Variants in SV2B observed in about 807,000 individuals in gnomAD.
SV2B encodes solute carrier family 22 member B2.
In SV2B, 41 loss-of-function variants were observed where a neutral mutation model predicts 73.9. The ratio of observed to expected loss-of-function variants is 0.56; its 90% CI spans 0.43 to 0.72. SV2B has a LOEUF of 0.72. Among genes scored for constraint, SV2B ranks in the 30% least tolerant of loss-of-function variants. The pLI is 0.00. For synonymous variants in SV2B, 314 were observed against 314.2 expected (o/e 1.00, Z 0.01); for missense variants, 764 against 857.8 (o/e 0.89, Z 1.37).
chr15:91,125,781 C>CAAAAAAAAAAGAAAAAA (rs2042461192), intron 1 of SV2B, among the ~76,000 whole-genome samples: 1 of 57,118 alleles, frequency 1.8e-5, no homozygotes, highest in Non-Finnish European at 3.5e-5. Context: ...TCTCAAGGGG[C>CAAAAAAAAAAGAAAAAA]AAAAAAAAAA....
chr15:91,131,850 C>T (rs140785242), intron 1 of SV2B, among the ~76,000 whole-genome samples: 11 of 152,242 alleles, frequency 7.2e-5, no homozygotes, highest in African/African-American at 2.6e-4. Flanking sequence ...GTAATCCCAG[C>T]TACTCAGGAG....
At chr15:91,285,828 A>G (rs2048842396) in intron 11 of SV2B, among the ~76,000 whole-genome samples, 1 of 152,044 alleles carries the variant, frequency 6.6e-6, no homozygotes, top group Non-Finnish European at 1.5e-5. Flanking sequence ...TGTCGACGAG[A>G]ACAGCCCACC....
At position 91,239,555 on chromosome 15, in the gene SV2B, A is replaced by G. The variant is rs1267724719; in HGVS notation, c.452-12264A>G. Among the ~76,000 whole-genome samples the G allele has an allele frequency of 6.6e-6, 1 of 152,154 alleles. No homozygotes were observed. The highest frequency in any genetic ancestry group is 1.5e-5 in the Non-Finnish European group (1 of 68,030). ...GGTCAAGGTCATATACTCTCAGACC[A>G]GAATCTGGGACTCCTGACTATTGGC... On this transcript the variant is annotated intron_variant, in intron 2 of 12. Coordinates refer to ENST00000394232, the MANE Select transcript of SV2B (RefSeq NM_001323032.3). The surrounding 1 kb of genome is among the most constrained non-coding windows in gnomAD (Gnocchi z 5.1).
intron 1 of SV2B, among the ~76,000 whole-genome samples, chr15:91,180,325 C>T (rs1422027143): frequency 6.6e-6 from 1 of 152,072 alleles, no homozygotes; most frequent in African/African-American, 2.4e-5. Context: ...CTGCCCTTAA[C>T]ATTTTTTCCT....
At position 91,261,769 on chromosome 15, in the gene SV2B, G is replaced by T. The variant is rs2047916869; in HGVS notation, c.1008+1360G>T. Among the ~76,000 whole-genome samples the T allele has an allele frequency of 6.6e-6, 1 of 152,106 alleles. No homozygotes were observed. Among genetic ancestry groups the T allele is most frequent in the Non-Finnish European group, 1.5e-5 (1 of 68,018 alleles). On this transcript the variant is annotated intron_variant, in intron 6 of 12. Transcript: ENST00000394232. The surrounding 1 kb of genome is among the most constrained non-coding windows in gnomAD (Gnocchi z 4.7). ...ATTTTGTTTCTTGCCAGTTTTAAAA[G>T]CAGACAAAACAAACAAACAAAAAAC...
In SV2B at chr15:91,241,974, A is replaced by G. The variant is rs2047034159; in HGVS notation, c.452-9845A>G. The stretch of plus-strand genomic sequence containing the variant: ...TAGAATGAATGAGTGAGGACGTTTC[A>G]TCTTTAAGCAGGAGTTAATCCTCGC... On this transcript the variant is annotated intron_variant, in intron 2 of 12. Transcript: ENST00000394232. The surrounding 1 kb of genome is among the most constrained non-coding windows in gnomAD (Gnocchi z 4.8). Among the ~76,000 whole-genome samples, 1 of 151,756 alleles carries G rather than the reference A, an allele frequency of 6.6e-6. No homozygotes were observed. The highest frequency in any genetic ancestry group is 1.5e-5 in the Non-Finnish European group (1 of 68,026).
At chr15:91,101,204 T>C (rs1214847051) in intron 1 of SV2B, among the ~76,000 whole-genome samples, 1 of 151,608 alleles carries the variant, frequency 6.6e-6, no homozygotes, top group Non-Finnish European at 1.5e-5. Flanking sequence ...GGGAGGTGAA[T>C]GTGGGTGGCT....
intron 12 of SV2B, 57 bp from the exon 13 acceptor site, chr15:91,292,312 T>C: frequency 6.4e-7 from 1 of 1,560,364 alleles, no homozygotes; most frequent in Non-Finnish European, 8.7e-7. Flanking sequence ...AAGAGCCCAG[T>C]CCTGTTCATC....
intron 9 of SV2B, among the ~76,000 whole-genome samples, chr15:91,276,022 A>G (rs1304528863): frequency 6.7e-6 from 1 of 148,374 alleles, no homozygotes; most frequent in Non-Finnish European, 1.5e-5. Context: ...CTTCTCTTCA[A>G]TTTTGAAAAT....
intron 1 of SV2B, among the ~76,000 whole-genome samples, chr15:91,131,156 T>G (rs1351819613): frequency 4.0e-5 from 6 of 148,754 alleles, no homozygotes; most frequent in Middle Eastern, 3.2e-3. Context: ...TGTTTTTTTT[T>G]TTTTTTTTTT....
chr15:91,161,245 A>G (rs1489560000), intron 1 of SV2B, among the ~76,000 whole-genome samples: 1 of 151,718 alleles, frequency 6.6e-6, no homozygotes, highest in Non-Finnish European at 1.5e-5. Flanking sequence ...AACTGTATAA[A>G]TTTACTGAAA....
chr15:91,165,135 G>A (rs945714168), intron 1 of SV2B, among the ~76,000 whole-genome samples: 7 of 152,048 alleles, frequency 4.6e-5, no homozygotes, highest in African/African-American at 1.7e-4. Context: ...TCAGGAGTTT[G>A]AGACCAGCCT....
intron 1 of SV2B, among the ~76,000 whole-genome samples, chr15:91,209,122 T>TG (rs1415195616): frequency 1.1e-3 from 156 of 142,068 alleles, no homozygotes; most frequent in African/African-American, 4.0e-3. Flanking sequence ...TTGTTTTTTT[T>TG]TTTTTTTTTT....
intron 1 of SV2B, among the ~76,000 whole-genome samples, chr15:91,102,792 G>C (rs981158898): frequency 9.8e-5 from 15 of 152,346 alleles, no homozygotes; most frequent in Non-Finnish European, 2.9e-5. Context: ...AGGCTTTTTG[G>C]TAAATGACAT....
intron 10 of SV2B, among the ~76,000 whole-genome samples, chr15:91,282,359 T>A (rs1312560334): frequency 6.6e-6 from 1 of 152,232 alleles, no homozygotes; most frequent in Non-Finnish European, 1.5e-5. Context: ...TATTTTAAAA[T>A]CATACTATTT....
intron 1 of SV2B, among the ~76,000 whole-genome samples, chr15:91,155,080 C>A (rs1371989439): frequency 6.6e-6 from 1 of 152,108 alleles, no homozygotes; most frequent in Non-Finnish European, 1.5e-5. Context: ...GCTTCTGGCC[C>A]CATCCCTGGG....
chr15:91,111,703 A>G (rs938761684), intron 1 of SV2B, among the ~76,000 whole-genome samples: 1 of 152,162 alleles, frequency 6.6e-6, no homozygotes, highest in African/African-American at 2.4e-5. Context: ...ATAAAGAAAT[A>G]CCTGAGATTG....
rs1312599277 is a variant in SV2B at position 91,297,216 on chromosome 15, T to C, written c.*4664T>C. Reference sequence around the variant, plus strand: ...CTGCCTCATGGGCTGAGATGGCTGTTGAAGCACTGAACCTCACATCCACAA... The same window carrying C: ...CTGCCTCATGGGCTGAGATGGCTGTCGAAGCACTGAACCTCACATCCACAA... On this transcript the variant is annotated 3_prime_UTR_variant, in exon 13 of 13. Coordinates refer to ENST00000394232, the MANE Select transcript of SV2B (RefSeq NM_001323032.3). This position sits in a 1 kb window ranked among gnomAD's most constrained non-coding sequence, Gnocchi z 5.1. 6.6e-6 allele frequency: 1 copy of C among 152,484 alleles called. No individual in the cohort carries two copies. Among genetic ancestry groups the C allele is most frequent in the African/African-American group, 2.4e-5 (1 of 41,452 alleles). 9.4% of individuals were successfully genotyped at this position (152,484 alleles called of 1,614,324 possible). A position where few individuals can be genotyped will look rare whatever the true frequency, so the allele number is the denominator to read the frequency against.
chr15:91,219,604 G>A (rs7165564), intron 1 of SV2B, among the ~76,000 whole-genome samples: 23,860 of 151,950 alleles, frequency 0.16, 2,020 homozygotes, highest in Non-Finnish European at 0.2. Context: ...TTTGGGGGTG[G>A]GGCAGCAGCT....
Sources: allele counts gnomAD v4.1 joint callset (sites outside exome capture counted in the v4.1 genomes callset), GRCh38; gene constraint gnomAD v4.1.1; non-coding constraint Gnocchi (gnomAD v3.1); transcripts MANE v1.5; gene names NCBI Gene and HGNC (gene_info 2026-07-23, HGNC 2026-07-21).